Variants in TENM2 observed in about 807,000 individuals in gnomAD.
TENM2 encodes teneurin transmembrane protein 2.
Under a neutral mutation model 245.2 loss-of-function variants are expected in TENM2, and 52 were observed. The ratio of observed to expected loss-of-function variants is 0.21; its 90% CI spans 0.17 to 0.27. The LOEUF (loss-of-function observed/expected upper bound fraction) is 0.27, where lower values mean the gene tolerates loss of function less well. Ranked by LOEUF, TENM2 falls within the 10% of genes least tolerant of loss-of-function variation. The pLI is 1.00. For missense variants in TENM2, 3,046 were observed against 3,666.8 expected (o/e 0.83, Z 4.37); for synonymous variants, 1,363 against 1,438.9 (o/e 0.95, Z 1.19).
chr5:167,282,973 C>CT (rs147109626), upstream of TENM2, among the ~76,000 whole-genome samples: 32 of 152,258 alleles, frequency 2.1e-4, 1 homozygote, highest in East Asian at 6.2e-3. Flanking sequence ...AAGCTAGCTA[C>CT]TGCTTGTGCT....
intron 2 of TENM2, among the ~76,000 whole-genome samples, chr5:167,475,996 A>C (rs544437793): frequency 6.6e-6 from 1 of 152,148 alleles, no homozygotes; most frequent in African/African-American, 2.4e-5. Context: ...AAGCATATAA[A>C]TTTTTTAAAG....
intron 1 of TENM2, chr5:167,287,963 C>G (rs1199231934): frequency 1.3e-5 from 2 of 152,174 alleles, no homozygotes; most frequent in African/African-American, 2.4e-5. Context: ...GTGGTCTGAT[C>G]CCTGGTCAGA....
At position 167,523,821 on chromosome 5, in the gene TENM2, C is replaced by T. The variant is rs537891617; in HGVS notation, c.502+148348C>T. Among the ~76,000 whole-genome samples the T allele has an allele frequency of 5.3e-4, 80 of 152,188 alleles. 1 individual carries two copies. Among genetic ancestry groups the T allele is most frequent in the African/African-American group, 1.5e-3 (62 of 41,536 alleles). The stretch of plus-strand genomic sequence containing the variant: ...AATGCAACTCTCATAGTTTTTCTTA[C>T]GAAGAAAAGAGAGCATTAATTAGTC... On this transcript the variant is annotated intron_variant, in intron 2 of 28. Transcript: ENST00000518659.
chr5:167,340,207 TCTGTATTTCTATAATGCAC>T (rs1758013674), intron 1 of TENM2, among the ~76,000 whole-genome samples: 1 of 152,142 alleles, frequency 6.6e-6, no homozygotes, highest in South Asian at 2.1e-4. Flanking sequence ...GCCCCTAACA[TCTGTATTTCTATAATGCAC>T]CTCAAAGTGC....
chr5:167,929,518 T>C (rs1160229693), intron 3 of TENM2, among the ~76,000 whole-genome samples: 2 of 152,182 alleles, frequency 1.3e-5, no homozygotes, highest in Non-Finnish European at 2.9e-5. Context: ...TCTCTCTTAC[T>C]AAAGGACCAA....
rs548081179 is a variant in TENM2, at chr5:168,149,497, T to C, written c.2423-13114T>C. The C allele has an allele frequency of 1.0e-5, 4 of 399,470 alleles. No homozygotes were observed. In the African/African-American group the frequency reaches 1.6e-4, roughly 16 times the overall value. 24.7% of individuals were successfully genotyped at this position (399,470 alleles called of 1,614,324 possible). A position where few individuals can be genotyped will look rare whatever the true frequency, so the allele number is the denominator to read the frequency against. On this transcript the variant is annotated intron_variant, in intron 12 of 28. Coordinates refer to ENST00000518659, the Ensembl canonical transcript of TENM2. ...TTTTGTGTCTCTAAAGCCTTCCCTT[T>C]CCGAGGCATGTTAGGAAAACAGAAA...
At chr5:167,225,081 A>G in the TENM2 span, among the ~76,000 whole-genome samples, 103 of 152,162 alleles carry the variant, frequency 6.8e-4, no homozygotes, top group Non-Finnish European at 4.0e-4. Flanking sequence ...AAATTTGTAT[A>G]TCAGTTCTAA....
At chr5:168,223,948 G>A (rs77230608) in intron 23 of TENM2, among the ~76,000 whole-genome samples, 1 of 151,960 alleles carries the variant, frequency 6.6e-6, no homozygotes, top group South Asian at 2.1e-4. Flanking sequence ...TGTCAAGGGA[G>A]TATATTTTGT....
intron 4 of TENM2, among the ~76,000 whole-genome samples, chr5:167,977,364 A>ATAAG (rs1782518044): frequency 6.6e-6 from 1 of 152,240 alleles, no homozygotes; most frequent in East Asian, 1.9e-4. Context: ...TGTCTATCAC[A>ATAAG]TATTAAAATA....
intron 25 of TENM2, among the ~76,000 whole-genome samples, chr5:168,241,937 T>C (rs1766138850): frequency 1.3e-5 from 2 of 152,174 alleles, no homozygotes; most frequent in South Asian, 4.1e-4. Flanking sequence ...AATCCTTGGC[T>C]GTATGGATGA....
At chr5:168,163,518 T>TGTA (rs1757935880) in intron 13 of TENM2, among the ~76,000 whole-genome samples, 3 of 152,322 alleles carry the variant, frequency 2.0e-5, no homozygotes. Context: ...GGCTCACACC[T>TGTA]GTAATCCCAG....
the TENM2 span, among the ~76,000 whole-genome samples, chr5:167,202,048 T>A: frequency 6.6e-6 from 1 of 152,162 alleles, no homozygotes. Flanking sequence ...CAGAGCCCAT[T>A]CCCTCTCCCA....
intron 3 of TENM2, among the ~76,000 whole-genome samples, chr5:167,945,278 G>A (rs942661201): frequency 1.3e-5 from 2 of 152,060 alleles, no homozygotes; most frequent in African/African-American, 4.8e-5. Flanking sequence ...ACCATGTGCT[G>A]AGCGTTACAA....
chr5:167,409,081 G>A (rs1385046153), intron 2 of TENM2, among the ~76,000 whole-genome samples: 1 of 151,762 alleles, frequency 6.6e-6, no homozygotes, highest in Non-Finnish European at 1.5e-5. Context: ...TTTACTCGAA[G>A]TCACTTGGGA....
chr5:167,961,745 T>C (rs1781028026), intron 4 of TENM2, among the ~76,000 whole-genome samples: 1 of 152,190 alleles, frequency 6.6e-6, no homozygotes, highest in Non-Finnish European at 1.5e-5. Context: ...AGGGACAAAG[T>C]AACCTGCAGG....
At chr5:167,244,948 A>G in the TENM2 span, among the ~76,000 whole-genome samples, 3 of 152,064 alleles carry the variant, frequency 2.0e-5, no homozygotes. Flanking sequence ...AAGCATGACC[A>G]AAAGAAAAAA....
chr5:168,004,164 T>C (rs1784621383), intron 5 of TENM2, among the ~76,000 whole-genome samples: 1 of 152,188 alleles, frequency 6.6e-6, no homozygotes, highest in African/African-American at 2.4e-5. Flanking sequence ...GTGAGGGCAT[T>C]CATGAACGTC....
intron 6 of TENM2, among the ~76,000 whole-genome samples, chr5:168,049,582 T>G (rs2152046758): frequency 6.6e-6 from 1 of 152,228 alleles, no homozygotes; most frequent in South Asian, 2.1e-4. Context: ...CCCCACCAGC[T>G]TTTGCATCCC....
chr5:167,572,012 C>G (rs1183563197), intron 2 of TENM2, among the ~76,000 whole-genome samples: 2 of 152,218 alleles, frequency 1.3e-5, no homozygotes, highest in African/African-American at 4.8e-5. Flanking sequence ...TGAGCACTCT[C>G]TGTTCTCTGG....
Sources: gnomAD v4.1 joint callset for allele counts (sites outside exome capture counted in the v4.1 genomes callset) on GRCh38, gnomAD v4.1.1 for gene constraint, MANE v1.5 for transcripts, NCBI Gene and HGNC (gene_info 2026-07-23, HGNC 2026-07-21) for gene names.